Variants in C3orf70 observed in about 807,000 individuals in gnomAD.
C3orf70 encodes UPF0524 protein C3orf70.
Under a neutral mutation model 20.7 loss-of-function variants are expected in C3orf70, and 15 were observed. The observed-to-expected ratio is 0.72, with a 90% CI of 0.48 to 1.11. The LOEUF (loss-of-function observed/expected upper bound fraction) is 1.11. C3orf70 is among the 50% of genes most tolerant of loss of function. C3orf70 has a pLI of 0.00. For missense variants in C3orf70, 332 were observed against 317.6 expected (o/e 1.05, Z -0.34); for synonymous variants, 161 against 125.7 (o/e 1.28, Z -1.88).
chr3:185,120,457 G>A (rs1716274312), intron 1 of C3orf70, among the ~76,000 whole-genome samples: 1 of 152,018 alleles, frequency 6.6e-6, no homozygotes, highest in Admixed American at 6.6e-5. Context: ...CAGAGTTGGA[G>A]GAAATCTTCA....
intron 1 of C3orf70, among the ~76,000 whole-genome samples, chr3:185,099,752 A>G (rs1401514210): frequency 6.6e-6 from 1 of 152,218 alleles, no homozygotes; most frequent in Non-Finnish European, 1.5e-5. Context: ...TGCCCCAATT[A>G]AAGGGCACAG....
rs73887812 is a variant in C3orf70, at chr3:185,119,042, A to G, written c.196+33586T>C. Among the ~76,000 whole-genome samples the G allele has an allele frequency of 6.8e-3, 1,042 of 152,320 alleles. 12 individuals carry two copies. The highest frequency in any genetic ancestry group is 0.024 in the African/African-American group (980 of 41,558). ...CTTCCATTTTCTTAATACATGATCTATCCCTTCAGAGTTTTGAAACATTTA... is the reference window on the plus strand; with the variant it reads ...CTTCCATTTTCTTAATACATGATCTGTCCCTTCAGAGTTTTGAAACATTTA... On this transcript the variant is annotated intron_variant, in intron 1 of 1. Coordinates refer to ENST00000335012, the MANE Select transcript of C3orf70 (RefSeq NM_001025266.3).
intron 1 of C3orf70, among the ~76,000 whole-genome samples, chr3:185,098,689 T>C (rs1457512566): frequency 6.6e-6 from 1 of 152,214 alleles, no homozygotes; most frequent in Non-Finnish European, 1.5e-5. Flanking sequence ...CATTTTACTG[T>C]GTGGTAGATG....
At chr3:185,091,930 T>A (rs1397248728) in intron 1 of C3orf70, among the ~76,000 whole-genome samples, 1 of 5,194 alleles carries the variant, frequency 1.9e-4, no homozygotes, top group Non-Finnish European at 3.9e-4. Context: ...TATATATATA[T>A]ATATATATAT....
chr3:185,090,714 T>A (rs548084712), intron 1 of C3orf70, among the ~76,000 whole-genome samples: 10 of 152,338 alleles, frequency 6.6e-5, no homozygotes, highest in African/African-American at 2.2e-4. Flanking sequence ...TTTCACTGAA[T>A]AGCATATCAC....
chr3:185,151,059 G>C (rs573047311), intron 1 of C3orf70, among the ~76,000 whole-genome samples: 2 of 152,326 alleles, frequency 1.3e-5, no homozygotes, highest in East Asian at 1.9e-4. Context: ...AAACAGCCAT[G>C]ATCTAAAAAA....
At chr3:185,114,264 CTTTGT>C (rs1248663463) in intron 1 of C3orf70, among the ~76,000 whole-genome samples, 2 of 149,930 alleles carry the variant, frequency 1.3e-5, no homozygotes, top group Non-Finnish European at 3.0e-5. Context: ...TAAATGGTAA[CTTTGT>C]TTTGTTATAT....
Position 185,146,636 on chromosome 3 carries a change from T to C in C3orf70, c.196+5992A>G, listed in dbSNP as rs545036121. ...CTTTAGTTGACTTTTCCAACCAAACTACCACTCCTTATTTTTGTTGTTGTT... is the reference window on the plus strand; with the variant it reads ...CTTTAGTTGACTTTTCCAACCAAACCACCACTCCTTATTTTTGTTGTTGTT... On this transcript the variant is annotated intron_variant, in intron 1 of 1. Coordinates refer to ENST00000335012, the MANE Select transcript of C3orf70 (RefSeq NM_001025266.3). Among the ~76,000 whole-genome samples the C allele has an allele frequency of 8.7e-4, 132 of 152,304 alleles. 1 individual carries two copies. Among genetic ancestry groups the C allele is most frequent in the African/African-American group, 3.2e-3 (131 of 41,574 alleles).
Position 185,152,643 on chromosome 3 carries a change from G to A in C3orf70, c.181C>T (p.Leu61=). 1.3e-6 allele frequency: 2 copies of A among 1,582,314 alleles called. No individual in the cohort carries two copies. Among genetic ancestry groups the A allele is most frequent in the Non-Finnish European group, 8.6e-7 (1 of 1,164,586 alleles). Residue 61 remains leucine (L), a synonymous_variant, in exon 1 of 2, where the codon CTA becomes TTA. Transcript: ENST00000335012. ...CTCGACTTACAGTGACACCATCCTA[G>A]GTGACAGCACCAGTGCAGCTTGAAG... The part of the protein sequence containing the change: ...KCFKLHWCCH[L]GWCHCKYMYQ...
chr3:185,086,178 C>A (rs112134063), intron 1 of C3orf70, among the ~76,000 whole-genome samples: 8 of 152,104 alleles, frequency 5.3e-5, no homozygotes, highest in Non-Finnish European at 1.0e-4. Flanking sequence ...TTGGGACTTT[C>A]CTCACTCCAT....
chr3:185,125,867 G>A (rs1282817119), intron 1 of C3orf70, among the ~76,000 whole-genome samples: 3 of 152,118 alleles, frequency 2.0e-5, no homozygotes, highest in Non-Finnish European at 1.5e-5. Context: ...ATAAAAACAG[G>A]TTAGCAGTTA....
chr3:185,078,577 T>G lies in C3orf70; in HGVS notation c.*4430A>C, dbSNP rs7627623. 0.099 allele frequency: 15,141 copies of G among 152,264 alleles called. 834 individuals are homozygous for G. Among genetic ancestry groups the G allele is most frequent in the African/African-American group, 0.14 (5,668 of 41,516 alleles). The allele number at this position is 152,264 out of a possible 1,614,324, so 9.4% of individuals were successfully genotyped here. On this transcript the variant is annotated 3_prime_UTR_variant, in exon 2 of 2. Coordinates refer to ENST00000335012, the MANE Select transcript of C3orf70 (RefSeq NM_001025266.3). ...CTGACCACGTGTGTGGAACTCCCAC[T>G]GGCTTCCCCCTTCTTCCCTCCTCCT... is the stretch of plus-strand genomic sequence containing the variant.
intron 1 of C3orf70, among the ~76,000 whole-genome samples, chr3:185,137,268 C>A (rs1434510373): frequency 6.6e-6 from 1 of 152,190 alleles, no homozygotes; most frequent in Non-Finnish European, 1.5e-5. Context: ...GGCTTCCCAG[C>A]CACATGGAAC....
intron 1 of C3orf70, among the ~76,000 whole-genome samples, chr3:185,147,433 T>C (rs894989951): frequency 3.3e-5 from 5 of 152,210 alleles, no homozygotes; most frequent in Non-Finnish European, 7.3e-5. Context: ...TTGATACAAC[T>C]TGCCACCCAT....
At chr3:185,151,791 A>C (rs1716994213) in intron 1 of C3orf70, among the ~76,000 whole-genome samples, 1 of 152,220 alleles carries the variant, frequency 6.6e-6, no homozygotes, top group Non-Finnish European at 1.5e-5. Flanking sequence ...ATTTCTTAAA[A>C]TGAATGATTC....
Position 185,079,332 on chromosome 3 carries a change from C to G in C3orf70, c.*3675G>C, listed in dbSNP as rs925579144. 8 of 138,436 alleles carry G rather than the reference C, an allele frequency of 5.8e-5. No individual in the cohort carries two copies. Among genetic ancestry groups the G allele is most frequent in the African/African-American group, 2.2e-4 (8 of 37,144 alleles). 8.6% of individuals were successfully genotyped at this position (138,436 alleles called of 1,614,324 possible). A position where few individuals can be genotyped will look rare whatever the true frequency, so the allele number is the denominator to read the frequency against. ...AAAGCCACCACTCCCAAGATAGAAT[C>G]AAATCCAAAAAGTATTTCAGGAAAG... On this transcript the variant is annotated 3_prime_UTR_variant, in exon 2 of 2. Coordinates refer to ENST00000335012, the MANE Select transcript of C3orf70 (RefSeq NM_001025266.3).
intron 1 of C3orf70, among the ~76,000 whole-genome samples, chr3:185,100,305 C>T (rs1163603920): frequency 6.6e-6 from 1 of 152,090 alleles, no homozygotes; most frequent in African/African-American, 2.4e-5. Flanking sequence ...ACATAAAACA[C>T]ACTCAGCAAA....
intron 1 of C3orf70, among the ~76,000 whole-genome samples, chr3:185,106,732 T>C (rs1715950970): frequency 2.6e-5 from 4 of 152,226 alleles, no homozygotes; most frequent in Admixed American, 2.6e-4. Context: ...ACACAAAAGC[T>C]GTGAGCCTTC....
chr3:185,134,116 C>CATATATATATATATATATATATAT (rs1553921592), intron 1 of C3orf70, among the ~76,000 whole-genome samples: 2 of 134,664 alleles, frequency 1.5e-5, no homozygotes, highest in African/African-American at 5.4e-5. Flanking sequence ...AAAAATACAT[C>CATATATATATATATATATATATAT]ATATATATAT....
Sources: gnomAD v4.1 joint callset for allele counts (sites outside exome capture counted in the v4.1 genomes callset) on GRCh38, gnomAD v4.1.1 for gene constraint, MANE v1.5 for transcripts, NCBI Gene and HGNC (gene_info 2026-07-23, HGNC 2026-07-21) for gene names.